GPHN: variants seen among roughly 807,000 people sequenced by gnomAD.
The protein encoded by GPHN is gephyrin.
Under a neutral mutation model 95.5 loss-of-function variants are expected in GPHN, and 17 were observed. The ratio of observed to expected loss-of-function variants is 0.18; its 90% CI spans 0.12 to 0.27. The LOEUF (loss-of-function observed/expected upper bound fraction) is 0.27, where lower values mean the gene tolerates loss of function less well. GPHN is among the 10% of genes least tolerant of loss of function. GPHN has a pLI of 1.00. For synonymous variants in GPHN, 320 were observed against 322.5 expected (o/e 0.99, Z 0.08); for missense variants, 660 against 978.1 (o/e 0.67, Z 4.34).
the GPHN span, among the ~76,000 whole-genome samples, chr14:67,577,668 AGTT>A: frequency 5.1e-4 from 77 of 152,332 alleles, no homozygotes; most frequent in African/African-American, 1.5e-3. Flanking sequence ...CTCCTCCTGT[AGTT>A]AAGCAGAAAA....
intron 1 of GPHN, among the ~76,000 whole-genome samples, chr14:66,599,761 G>C (rs1451992005): frequency 6.6e-6 from 1 of 151,774 alleles, no homozygotes; most frequent in African/African-American, 2.4e-5. Flanking sequence ...TTATTTTAAT[G>C]AGAAAGTACC....
the GPHN span, among the ~76,000 whole-genome samples, chr14:67,263,628 G>T: frequency 1.0e-3 from 154 of 152,262 alleles, 1 homozygote; most frequent in Non-Finnish European, 1.8e-3. Context: ...TACAGACTTG[G>T]TGTGTGTTTT....
At chr14:66,748,129 A>G (rs1457407912) in intron 2 of GPHN, among the ~76,000 whole-genome samples, 28 of 152,092 alleles carry the variant, frequency 1.8e-4, no homozygotes, top group Non-Finnish European at 1.6e-4. Context: ...TGATTTAACA[A>G]TAGTTTACAC....
At chr14:67,389,764 G>T in the GPHN span, among the ~76,000 whole-genome samples, 1 of 148,924 alleles carries the variant, frequency 6.7e-6, no homozygotes, top group African/African-American at 2.5e-5. Context: ...CAAAACTAAA[G>T]TGTTTTTTTT....
At chr14:66,545,346 A>T (rs1473575961) in intron 1 of GPHN, among the ~76,000 whole-genome samples, 1 of 92,488 alleles carries the variant, frequency 1.1e-5, no homozygotes, top group African/African-American at 6.0e-5. Context: ...TGACCCCCCC[A>T]CCTCCCTCCC....
chr14:67,512,682 G>C, the GPHN span, among the ~76,000 whole-genome samples: 1 of 152,086 alleles, frequency 6.6e-6, no homozygotes, highest in Admixed American at 6.5e-5. Flanking sequence ...CCTTACCCAG[G>C]TCTTTCCTTA....
At chr14:67,708,520 A>G in the GPHN span, among the ~76,000 whole-genome samples, 1 of 152,312 alleles carries the variant, frequency 6.6e-6, no homozygotes, top group African/African-American at 2.4e-5. Context: ...TAGGGCAGCC[A>G]TAAAGAAACA....
chr14:66,539,680 C>T (rs1382885120), intron 1 of GPHN, among the ~76,000 whole-genome samples: 3 of 152,220 alleles, frequency 2.0e-5, no homozygotes, highest in Non-Finnish European at 4.4e-5. Context: ...CTCGGCCTCC[C>T]AAAGTGCTGG....
the GPHN span, among the ~76,000 whole-genome samples, chr14:67,537,515 A>G: frequency 6.7e-6 from 1 of 148,620 alleles, no homozygotes; most frequent in Non-Finnish European, 1.5e-5. Flanking sequence ...AAATACAAAA[A>G]TTAGCCAAGC....
intron 9 of GPHN, among the ~76,000 whole-genome samples, chr14:66,979,893 A>G (rs980685955): frequency 6.6e-6 from 1 of 152,146 alleles, no homozygotes; most frequent in Non-Finnish European, 1.5e-5. Flanking sequence ...TAATTGGCCT[A>G]ATTTCAATAT....
the GPHN span, chr14:67,651,307 G>C: frequency 3.1e-6 from 5 of 1,607,870 alleles, no homozygotes; most frequent in Non-Finnish European, 4.2e-6. Context: ...GCAGCAATAT[G>C]CTTATTCTAT....
chr14:66,961,136 G>A (rs1294570598), intron 8 of GPHN, among the ~76,000 whole-genome samples: 1 of 152,006 alleles, frequency 6.6e-6, no homozygotes, highest in Non-Finnish European at 1.5e-5. Context: ...TTTCCTTCTG[G>A]TACTACAGAC....
chr14:66,582,509 T>C (rs946055503), intron 1 of GPHN, among the ~76,000 whole-genome samples: 2 of 152,064 alleles, frequency 1.3e-5, no homozygotes, highest in Non-Finnish European at 2.9e-5. Flanking sequence ...GCATTAGGTA[T>C]ATCTCCTAAT....
the GPHN span, chr14:67,349,233 G>A: frequency 3.3e-6 from 3 of 900,886 alleles, no homozygotes; most frequent in Non-Finnish European, 3.3e-6. Flanking sequence ...TTTGATAACT[G>A]TCCTTTTTCC....
the GPHN span, among the ~76,000 whole-genome samples, chr14:67,501,044 T>TTAATAATAATAATAA: frequency 4.4e-5 from 6 of 137,384 alleles, no homozygotes; most frequent in Non-Finnish European, 4.6e-5. Flanking sequence ...TACTTGGGGG[T>TTAATAATAATAATAA]TAATAATAAT....
chr14:67,519,781 G>A, the GPHN span, among the ~76,000 whole-genome samples: 6,154 of 151,046 alleles, frequency 0.041, 165 homozygotes, highest in Non-Finnish European at 0.062. Flanking sequence ...GGAGTGCAGT[G>A]GCATGATCAT....
At chr14:66,753,423 T>C (rs775546560) in intron 2 of GPHN, among the ~76,000 whole-genome samples, 1 of 151,976 alleles carries the variant, frequency 6.6e-6, no homozygotes, top group East Asian at 1.9e-4. Flanking sequence ...TGCACAGATT[T>C]AGGATAAATA....
At chr14:66,588,066 G>A (rs532088445) in intron 1 of GPHN, among the ~76,000 whole-genome samples, 1 of 152,184 alleles carries the variant, frequency 6.6e-6, no homozygotes, top group African/African-American at 2.4e-5. Flanking sequence ...TTGCTGTTCT[G>A]CAGCCTCCGC....
At chr14:66,802,949 T>G (rs1048113290) in intron 3 of GPHN, among the ~76,000 whole-genome samples, 22 of 152,076 alleles carry the variant, frequency 1.4e-4, no homozygotes, top group African/African-American at 5.3e-4. Flanking sequence ...CTCCCTTAGA[T>G]GGTGTCTCAG....
Sources: gnomAD v4.1 joint callset for allele counts (sites outside exome capture counted in the v4.1 genomes callset) on GRCh38, gnomAD v4.1.1 for gene constraint, MANE v1.5 for transcripts, NCBI Gene and HGNC (gene_info 2026-07-23, HGNC 2026-07-21) for gene names.